Variants in PSMG4 observed in about 807,000 individuals in gnomAD.
PSMG4 encodes proteasome assembly chaperone 4.
In PSMG4, 10 loss-of-function variants were observed where a neutral mutation model predicts 11.0. That is an observed-to-expected ratio of 0.91 (90% CI 0.56 to 1.54). PSMG4 has a LOEUF of 1.54. Among genes scored for constraint, PSMG4 ranks in the 40% most tolerant of loss-of-function variants. The pLI is 0.00. For synonymous variants in PSMG4, 95 were observed against 71.3 expected (o/e 1.33, Z -1.68); for missense variants, 198 against 160.9 (o/e 1.23, Z -1.25).
At chr6:3,256,162 T>A (rs902111812), upstream of PSMG4, among the ~76,000 whole-genome samples, 23 of 152,218 alleles carry the variant, frequency 1.5e-4, no homozygotes, top group African/African-American at 5.1e-4. Flanking sequence ...TTTGACATGC[T>A]TGCTTGGCTG....
Position 3,260,448 on chromosome 6 carries a change from C to T in PSMG4, c.174+1252C>T, listed in dbSNP as rs530816316. Among the ~76,000 whole-genome samples the T allele has an allele frequency of 1.3e-4, 19 of 151,870 alleles. No individual in the cohort carries two copies. The South Asian group carries it at 1.7e-3, about 13-fold the overall frequency. ...GGATTACAGGTGTGAGCCATCACGC[C>T]GGGCTAATTTTTGTAGTTTCAGTAG... On this transcript the variant is annotated intron_variant, in intron 1 of 2. Coordinates refer to ENST00000438998, the MANE Select transcript of PSMG4 (RefSeq NM_001128591.2).
At chr6:3,257,451 C>A (rs749553225), upstream of PSMG4, among the ~76,000 whole-genome samples, 1 of 152,186 alleles carries the variant, frequency 6.6e-6, no homozygotes, top group Non-Finnish European at 1.5e-5. Flanking sequence ...CTCCACCGGT[C>A]GGTAACTTTG....
intron 1 of PSMG4, among the ~76,000 whole-genome samples, chr6:3,261,675 A>C (rs11242838): frequency 6.6e-6 from 1 of 151,738 alleles, no homozygotes; most frequent in Non-Finnish European, 1.5e-5. Flanking sequence ...AGGGGCAGAG[A>C]GCCGAGCCAG....
At chr6:3,259,508 C>G (rs1306606242) in intron 1 of PSMG4, among the ~76,000 whole-genome samples, 2 of 152,256 alleles carry the variant, frequency 1.3e-5, no homozygotes, top group Non-Finnish European at 2.9e-5. Context: ...TGCCTCGTAG[C>G]TCTCCTGCCA....
chr6:3,259,008 G>A lies in PSMG4; in HGVS notation c.-15G>A, dbSNP rs1275909870. 1.6e-6 allele frequency: 2 copies of A among 1,242,396 alleles called. No individual in the cohort carries two copies. The highest frequency in any genetic ancestry group is 2.0e-6 in the Non-Finnish European group (2 of 992,392). 77.0% of individuals were successfully genotyped at this position (1,242,396 alleles called of 1,614,324 possible). A position where few individuals can be genotyped will look rare whatever the true frequency, so the allele number is the denominator to read the frequency against. ...ACCCGGGTCTGGCGCTGTGGGCCGG[G>A]AGCCGTGGGGCGGCATGGAGGGGCT... On this transcript the variant is annotated 5_prime_UTR_variant, in exon 1 of 3. Coordinates refer to ENST00000438998, the MANE Select transcript of PSMG4 (RefSeq NM_001128591.2).
chr6:3,262,155 A>G (rs1161351841), intron 1 of PSMG4, among the ~76,000 whole-genome samples: 1 of 152,190 alleles, frequency 6.6e-6, no homozygotes, highest in African/African-American at 2.4e-5. Context: ...GTGCCTGCTC[A>G]GGGATTCTTG....
At chr6:3,264,013 G>A in intron 2 of PSMG4, 3 of 1,342,194 alleles carry the variant, frequency 2.2e-6, no homozygotes, top group Non-Finnish European at 3.0e-6. Context: ...GTGTCCTTGA[G>A]TCCATGAGCT....
upstream of PSMG4, among the ~76,000 whole-genome samples, chr6:3,256,021 A>T (rs1298549849): frequency 6.6e-6 from 1 of 152,356 alleles, no homozygotes; most frequent in South Asian, 2.1e-4. Flanking sequence ...GGTTGGGTTT[A>T]TAGAAGTCAA....
At chr6:3,254,457 T>TTG (rs1554128576), upstream of PSMG4, among the ~76,000 whole-genome samples, 109 of 151,478 alleles carry the variant, frequency 7.2e-4, no homozygotes, top group African/African-American at 1.4e-3. Context: ...TCTGCTTTTT[T>TTG]TGTGTGTCTT....
At chr6:3,264,470 G>A in intron 2 of PSMG4, 1 of 1,383,702 alleles carries the variant, frequency 7.2e-7, no homozygotes, top group Non-Finnish European at 9.5e-7. Flanking sequence ...TCAGGCACAG[G>A]ACCTGGTACC....
chr6:3,258,789 G>C (rs1757847854), upstream of PSMG4: 1 of 377,874 alleles, frequency 2.6e-6, no homozygotes, highest in Non-Finnish European at 4.7e-6. Flanking sequence ...GGAGAGGCCA[G>C]CAAGACAACC....
intron 2 of PSMG4, 50 bp from the exon 3 acceptor site, chr6:3,267,541 G>A: frequency 6.5e-7 from 1 of 1,542,836 alleles, no homozygotes; most frequent in Non-Finnish European, 8.8e-7. Flanking sequence ...AGGAACACGG[G>A]GCCTGCAGTA....
At chr6:3,258,641 G>A (rs1314241434), upstream of PSMG4, among the ~76,000 whole-genome samples, 7 of 152,190 alleles carry the variant, frequency 4.6e-5, no homozygotes, top group Non-Finnish European at 1.0e-4. Flanking sequence ...AATGCCCCGC[G>A]TCAGTAATAA....
upstream of PSMG4, chr6:3,255,378 T>A (rs538190829): frequency 4.4e-5 from 62 of 1,407,204 alleles, no homozygotes; most frequent in Middle Eastern, 2.6e-4. Flanking sequence ...GTGGATGATG[T>A]TTGTTGAGTG....
upstream of PSMG4, chr6:3,258,900 G>C (rs957165322): frequency 2.0e-6 from 2 of 986,920 alleles, no homozygotes; most frequent in Non-Finnish European, 2.6e-6. Context: ...CCTCACCCCC[G>C]CCCTTCCGGG....
chr6:3,259,294 C>T (rs1757877966), intron 1 of PSMG4, 98 bp downstream of exon 1: 2 of 1,101,392 alleles, frequency 1.8e-6, no homozygotes, highest in African/African-American at 1.6e-5. Context: ...CTTGGGTCCA[C>T]AGGGCGCCCT....
intron 2 of PSMG4, 126 bp from the exon 3 acceptor site, chr6:3,267,465 A>C: frequency 1.7e-5 from 18 of 1,085,454 alleles, no homozygotes; most frequent in Non-Finnish European, 2.3e-5. Context: ...CATGGAGATT[A>C]GAGCTTTCTT....
chr6:3,255,005 C>CGA (rs1239144202), upstream of PSMG4: 18 of 1,542,146 alleles, frequency 1.2e-5, no homozygotes, highest in Admixed American at 3.2e-4. Flanking sequence ...AGCGCACTCC[C>CGA]ATGTGGGAGC....
upstream of PSMG4, chr6:3,255,225 C>T (rs372329058): frequency 1.7e-5 from 27 of 1,549,600 alleles, no homozygotes; most frequent in African/African-American, 2.1e-4. Context: ...GCAAAATCAA[C>T]TCTGGTAAGC....
Sources: gnomAD v4.1 joint callset for allele counts (sites outside exome capture counted in the v4.1 genomes callset) on GRCh38, gnomAD v4.1.1 for gene constraint, MANE v1.5 for transcripts, NCBI Gene and HGNC (gene_info 2026-07-23, HGNC 2026-07-21) for gene names.